TSPAN33: variants seen among roughly 807,000 people sequenced by gnomAD.
TSPAN33 encodes tetraspanin-33.
A neutral mutation model predicts 34.8 loss-of-function variants in TSPAN33; 27 were observed. That is an observed-to-expected ratio of 0.78 (90% CI 0.57 to 1.07). The LOEUF is 1.07. Ranked by LOEUF, TSPAN33 falls within the 50% of genes least tolerant of loss-of-function variation. The probability of loss-of-function intolerance (pLI) is 0.00; values close to 1 mark genes in which losing one functional copy is unlikely to be tolerated. For missense variants in TSPAN33, 272 were observed against 324.9 expected (o/e 0.84, Z 1.25); for synonymous variants, 119 against 124.2 (o/e 0.96, Z 0.28).
At chr7:129,162,792 A>T in intron 3 of TSPAN33, 41 bp from the exon 4 acceptor site, 3 of 1,607,442 alleles carry the variant, frequency 1.9e-6, no homozygotes, top group Middle Eastern at 3.3e-4. Flanking sequence ...GGTTGCTGCC[A>T]TGAGTGGTCC....
At chr7:129,149,745 C>T (rs1354117870) in intron 1 of TSPAN33, among the ~76,000 whole-genome samples, 9 of 152,312 alleles carry the variant, frequency 5.9e-5, no homozygotes, top group African/African-American at 2.2e-4. Context: ...AGGCTTGGCC[C>T]CGGACATTGT....
At position 129,144,996 on chromosome 7, in the gene TSPAN33, C is replaced by A; in HGVS notation, c.16C>A (p.Arg6=). The part of the protein sequence containing the change: MARRP[R]APAASGEEFS... Reference sequence around the variant, plus strand: ...CGGCGGGGCCATGGCGCGGAGACCCCGGGCGCCGGCCGCCTCCGGGGAGGA... The same window carrying A: ...CGGCGGGGCCATGGCGCGGAGACCCAGGGCGCCGGCCGCCTCCGGGGAGGA... Residue 6 remains arginine (R), a synonymous_variant, in exon 1 of 8, where the codon CGG becomes AGG. Transcript: ENST00000486685. The A allele has an allele frequency of 3.0e-6, 2 of 665,884 alleles. No homozygotes were observed. The highest frequency in any genetic ancestry group is 2.7e-6 in the Non-Finnish European group (1 of 364,108). 41.2% of individuals were successfully genotyped at this position (665,884 alleles called of 1,614,324 possible).
At chr7:129,166,645 A>T in intron 5 of TSPAN33, 133 bp from the exon 6 acceptor site, 1 of 1,084,254 alleles carries the variant, frequency 9.2e-7, no homozygotes, top group Non-Finnish European at 1.3e-6. Flanking sequence ...CTCAAAGTTT[A>T]AGGCTGTGTT....
chr7:129,167,277 C>A lies in TSPAN33; in HGVS notation c.589-122C>A. 1 of 1,242,118 alleles carries A rather than the reference C, an allele frequency of 8.1e-7. No homozygotes were observed. 76.9% of individuals were successfully genotyped at this position (1,242,118 alleles called of 1,614,324 possible). On this transcript the variant is annotated intron_variant, in intron 6 of 7. Coordinates refer to ENST00000486685, the MANE Select transcript of TSPAN33 (RefSeq NM_178562.5). The surrounding 1 kb of genome is among the most constrained non-coding windows in gnomAD (Gnocchi z 4.6). ...CATTTGGCAACTTCCAACCCAATAT[C>A]CTCCACATATATTCTCTGACAATTT...
intron 2 of TSPAN33, among the ~76,000 whole-genome samples, chr7:129,161,990 TG>T (rs1272084528): frequency 6.6e-6 from 1 of 152,232 alleles, no homozygotes; most frequent in Non-Finnish European, 1.5e-5. Flanking sequence ...GGTAGGCCCC[TG>T]GGAGCAGAGA....
rs1410159360 is a variant in TSPAN33, at chr7:129,162,885, T to C, written c.341T>C (p.Leu114Pro). The C allele has an allele frequency of 8.1e-6, 13 of 1,613,768 alleles. No individual in the cohort carries two copies. Among genetic ancestry groups the C allele is most frequent in the Non-Finnish European group, 1.1e-5 (13 of 1,179,886 alleles). Residue 114 changes from leucine (L) to proline (P), a missense_variant, in exon 4 of 8, where the codon CTG becomes CCG. Transcript: ENST00000486685. The stretch of plus-strand genomic sequence containing the variant: ...CTGCTGCAGCTGGCCGCTGGGATCC[T>C]GGGCTTCGTCTTCTCAGACAAGGTA... ...VFLLQLAAGI[L>P]GFVFSDKARG... is the part of the protein sequence containing the mutation.
intron 2 of TSPAN33, 152 bp from the exon 3 acceptor site, chr7:129,162,242 G>A (rs1793064595): frequency 1.7e-6 from 2 of 1,161,000 alleles, no homozygotes. Flanking sequence ...TCTCCCCATG[G>A]GACAGGGGTA....
chr7:129,163,388 C>A (rs1793084209), intron 4 of TSPAN33, among the ~76,000 whole-genome samples: 1 of 141,040 alleles, frequency 7.1e-6, no homozygotes, highest in Admixed American at 7.5e-5. Context: ...GGGAGTCTCA[C>A]TAGGTTGCCA....
chr7:129,144,915 G>T lies in TSPAN33; in HGVS notation c.-66G>T. ...GGCTCGGCTCATGCCCCCGGGCGCG[G>T]GGCACACAGGCCGGCCGGCAGCCGC... On this transcript the variant is annotated 5_prime_UTR_variant, in exon 1 of 8. Coordinates refer to ENST00000486685, the MANE Select transcript of TSPAN33 (RefSeq NM_178562.5). 1 of 358,908 alleles carries T rather than the reference G, an allele frequency of 2.8e-6. No individual in the cohort carries two copies. Among genetic ancestry groups the T allele is most frequent in the Non-Finnish European group, 5.0e-6 (1 of 201,744 alleles). The allele number at this position is 358,908 out of a possible 1,614,324, so 22.2% of individuals were successfully genotyped here. A position where few individuals can be genotyped will look rare whatever the true frequency, so the allele number is the denominator to read the frequency against.
chr7:129,149,049 C>T (rs944511899), intron 1 of TSPAN33, among the ~76,000 whole-genome samples: 7 of 152,146 alleles, frequency 4.6e-5, no homozygotes, highest in African/African-American at 1.7e-4. Flanking sequence ...CCACCTCCCT[C>T]CTCCACCCCC....
In TSPAN33 at chr7:129,144,834, C is replaced by T. The variant is rs1211588457; in HGVS notation, c.-147C>T. 1 of 148,796 alleles carries T rather than the reference C, an allele frequency of 6.7e-6. No individual in the cohort carries two copies. Among genetic ancestry groups the T allele is most frequent in the Non-Finnish European group, 1.5e-5 (1 of 67,064 alleles). 9.2% of individuals were successfully genotyped at this position (148,796 alleles called of 1,614,324 possible). ...CCGCGCCGCTCCCGGCCCCCCGGCTCGGGCGCCTCCCGCCGCAGCGCAGGC... is the reference window on the plus strand; with the variant it reads ...CCGCGCCGCTCCCGGCCCCCCGGCTTGGGCGCCTCCCGCCGCAGCGCAGGC... On this transcript the variant is annotated 5_prime_UTR_variant, in exon 1 of 8. Transcript: ENST00000486685.
intron 6 of TSPAN33, 37 bp downstream of exon 6, chr7:129,166,943 C>T (rs779080441): frequency 4.4e-6 from 7 of 1,597,912 alleles, no homozygotes; most frequent in African/African-American, 2.7e-5. Flanking sequence ...TCCTAGGCAG[C>T]GAGCTGAGTC....
At chr7:129,147,629 G>A (rs1055956453) in intron 1 of TSPAN33, among the ~76,000 whole-genome samples, 1 of 152,208 alleles carries the variant, frequency 6.6e-6, no homozygotes, top group African/African-American at 2.4e-5. Flanking sequence ...TGCCCAGGAA[G>A]CACCTATGGA....
chr7:129,161,691 G>C lies in TSPAN33; in HGVS notation c.115G>C (p.Val39Leu). Residue 39 changes from valine to leucine, a missense_variant, in exon 2 of 8, where the codon GTG (valine) becomes CTG (leucine). By Grantham distance (32) the Val-to-Leu change is conservative. Coordinates refer to ENST00000486685, the MANE Select transcript of TSPAN33 (RefSeq NM_178562.5). ...CCTGTCTCCACAGGTGATTTCCATG[G>C]TGATGGTGGCTGTGGGTGTCTACGC... ...FNMLFWVISM[V>L]MVAVGVYARL... is the part of the protein sequence containing the mutation. 1 of 1,614,146 alleles carries C rather than the reference G, an allele frequency of 6.2e-7. No homozygotes were observed. Among genetic ancestry groups the C allele is most frequent in the Non-Finnish European group, 8.5e-7 (1 of 1,180,010 alleles).
chr7:129,161,872 A>G (rs1214346824), intron 2 of TSPAN33, 136 bp downstream of exon 2: 2 of 1,062,314 alleles, frequency 1.9e-6, no homozygotes, highest in Non-Finnish European at 1.4e-6. Context: ...TTCATGGTCT[A>G]CGTAGGTGTC....
chr7:129,147,325 A>G (rs1055986224), intron 1 of TSPAN33, among the ~76,000 whole-genome samples: 1 of 152,176 alleles, frequency 6.6e-6, no homozygotes, highest in Non-Finnish European at 1.5e-5. Flanking sequence ...TTAAGGATGA[A>G]TGAATCATTT....
chr7:129,153,046 T>G (rs1810617956), intron 1 of TSPAN33, among the ~76,000 whole-genome samples: 1 of 93,506 alleles, frequency 1.1e-5, no homozygotes, highest in Non-Finnish European at 2.0e-5. Flanking sequence ...GCAACAAGAG[T>G]GAAACTCCGT....
At chr7:129,153,059 C>CAA (rs35432172) in intron 1 of TSPAN33, among the ~76,000 whole-genome samples, 44 of 82,412 alleles carry the variant, frequency 5.3e-4, no homozygotes, top group African/African-American at 1.0e-3. Flanking sequence ...AACTCCGTCT[C>CAA]AAAAAAAAAA....
rs1793199861 is a variant in TSPAN33 at position 129,169,453 on chromosome 7, T to C, written c.*1579T>C. On this transcript the variant is annotated 3_prime_UTR_variant, in exon 8 of 8. Coordinates refer to ENST00000486685, the MANE Select transcript of TSPAN33 (RefSeq NM_178562.5). ...TTGCCCAGCGAGTGTTCCCGGAGTCTCCTCGCCGCACCCCGCTATCGGGCG... is the reference window on the plus strand; with the variant it reads ...TTGCCCAGCGAGTGTTCCCGGAGTCCCCTCGCCGCACCCCGCTATCGGGCG... 3 of 152,248 alleles carry C rather than the reference T, an allele frequency of 2.0e-5. No individual in the cohort carries two copies. Among genetic ancestry groups the C allele is most frequent in the Admixed American group, 2.0e-4 (3 of 15,288 alleles). 9.4% of individuals were successfully genotyped at this position (152,248 alleles called of 1,614,324 possible).
Sources: gnomAD v4.1 joint callset for allele counts (sites outside exome capture counted in the v4.1 genomes callset) on GRCh38, gnomAD v4.1.1 for gene constraint, Gnocchi (gnomAD v3.1) non-coding constraint, MANE v1.5 for transcripts, NCBI Gene and HGNC (gene_info 2026-07-23, HGNC 2026-07-21) for gene names.